LRCH2: variants seen among roughly 807,000 people sequenced by gnomAD.
The protein encoded by LRCH2 is leucine rich repeats and calponin homology domain containing 2.
A neutral mutation model predicts 68.9 loss-of-function variants in LRCH2; 38 were observed. That is an observed-to-expected ratio of 0.55 (90% CI 0.43 to 0.72). The LOEUF is 0.72. Among genes scored for constraint, LRCH2 ranks in the 30% least tolerant of loss-of-function variants. LRCH2 has a pLI of 0.00. For synonymous variants in LRCH2, 191 were observed against 208.1 expected (o/e 0.92, Z 0.71); for missense variants, 528 against 572.9 (o/e 0.92, Z 0.80).
At chrX:115,228,170 CTTACATTGTTA>C (rs1447390173) in intron 1 of LRCH2, among the ~76,000 whole-genome samples, 7 of 111,727 alleles carry the variant, frequency 6.3e-5, no homozygotes, top group African/African-American at 2.3e-4. Context: ...TAAACATAAA[CTTACATTGTTA>C]TTAAATTGGC....
intron 1 of LRCH2, chrX:115,190,066 C>G (rs2072775098): frequency 8.7e-7 from 1 of 1,154,049 alleles, no homozygotes; most frequent in Non-Finnish European, 1.2e-6. Context: ...GAGGGCTGTG[C>G]CCCGGTCAAG....
At chrX:115,163,814 A>G (rs1172947584) in intron 10 of LRCH2, 31 bp from the exon 11 acceptor site, 1 of 1,043,569 alleles carries the variant, frequency 9.6e-7, no homozygotes, top group Non-Finnish European at 1.3e-6. Flanking sequence ...GGTTATCCAA[A>G]AAGTAAGGCA....
intron 5 of LRCH2, among the ~76,000 whole-genome samples, chrX:115,175,981 A>C (rs1556550109): frequency 8.9e-6 from 1 of 111,760 alleles, no homozygotes; most frequent in Non-Finnish European, 1.9e-5. Flanking sequence ...TGAGCTCTTA[A>C]CCTGTAGGAT....
intron 12 of LRCH2, among the ~76,000 whole-genome samples, chrX:115,154,613 TACTC>T (rs1399160718): frequency 9.0e-6 from 1 of 111,705 alleles, no homozygotes; most frequent in African/African-American, 3.3e-5. Flanking sequence ...CTTGAAATAA[TACTC>T]ATCATCACTA....
intron 14 of LRCH2, among the ~76,000 whole-genome samples, chrX:115,135,993 G>A (rs1168078129): frequency 2.7e-5 from 3 of 111,934 alleles, no homozygotes; most frequent in Non-Finnish European, 5.6e-5. Flanking sequence ...ATATTCATGT[G>A]ACTTGCTTTA....
chrX:115,146,556 C>T (rs1386553649), intron 14 of LRCH2, among the ~76,000 whole-genome samples: 2 of 104,404 alleles, frequency 1.9e-5, no homozygotes, highest in African/African-American at 3.7e-5. Flanking sequence ...CTAATATGAA[C>T]GCCAAAAATT....
At chrX:115,223,448 T>A (rs1556574886) in intron 1 of LRCH2, among the ~76,000 whole-genome samples, 31 of 12,368 alleles carry the variant, frequency 2.5e-3, no homozygotes, top group Admixed American at 4.3e-3. Context: ...TATAGAATTT[T>A]TTTTTTAAAA....
chrX:115,211,434 A>C (rs1437161404), intron 1 of LRCH2, among the ~76,000 whole-genome samples: 1 of 111,675 alleles, frequency 9.0e-6, no homozygotes, highest in African/African-American at 3.3e-5. Flanking sequence ...AGCCACGTGG[A>C]ACTGTAAGTC....
At chrX:115,227,567 A>G (rs1049944688) in intron 1 of LRCH2, among the ~76,000 whole-genome samples, 7 of 109,509 alleles carry the variant, frequency 6.4e-5, no homozygotes, top group Non-Finnish European at 1.1e-4. Flanking sequence ...AATTCACAAA[A>G]ACCTTTAAAT....
intron 15 of LRCH2, 67 bp downstream of exon 15, chrX:115,130,086 ACT>A: frequency 1.8e-6 from 1 of 564,406 alleles, no homozygotes; most frequent in Non-Finnish European, 2.7e-6. Context: ...ATTACATTTT[ACT>A]CTCACTGAGC....
intron 12 of LRCH2, 41 bp downstream of exon 12, chrX:115,156,561 A>G (rs1228313761): frequency 1.1e-6 from 1 of 914,946 alleles, no homozygotes; most frequent in Non-Finnish European, 1.5e-6. Context: ...ATCAATACTC[A>G]TTATAAAATA....
At chrX:115,139,649 T>C (rs1275501275) in intron 14 of LRCH2, among the ~76,000 whole-genome samples, 4 of 110,555 alleles carry the variant, frequency 3.6e-5, no homozygotes, top group Non-Finnish European at 7.6e-5. Flanking sequence ...CTACCCACAG[T>C]AGCCAGCAGT....
chrX:115,126,175 GT>G (rs1448704912), intron 16 of LRCH2: 1 of 111,580 alleles, frequency 9.0e-6, no homozygotes, highest in Non-Finnish European at 1.9e-5. Context: ...AAGAGATAGA[GT>G]TTAGAATTTT....
intron 1 of LRCH2, among the ~76,000 whole-genome samples, chrX:115,209,388 A>C (rs782697945): frequency 5.2e-4 from 58 of 111,811 alleles, no homozygotes; most frequent in Non-Finnish European, 9.2e-4. Context: ...AATAAGTCTC[A>C]CAAGATCTGA....
In LRCH2 at chrX:115,123,085, G is replaced by A. The variant is rs1470042897; in HGVS notation, c.1957C>T (p.Arg653Cys). Residue 653 changes from arginine (R) to cysteine (C), a missense_variant, in exon 18 of 21, where the codon CGC becomes TGC. Coordinates refer to ENST00000317135, the MANE Select transcript of LRCH2 (RefSeq NM_020871.4). ...REEREQIRQL[R>C]NNLESRLKVI... ...GAAAGAGCAATCTGACTTACGTTGCGAAGTTGTCGTATTTGCTCTCGCTCT... is the reference window on the plus strand; with the variant it reads ...GAAAGAGCAATCTGACTTACGTTGCAAAGTTGTCGTATTTGCTCTCGCTCT... The A allele has an allele frequency of 1.7e-6, 2 of 1,205,660 alleles. No homozygotes were observed. The highest frequency in any genetic ancestry group is 1.7e-5 in the African/African-American group (1 of 57,659).
chrX:115,205,677 G>A (rs782502965), intron 1 of LRCH2, among the ~76,000 whole-genome samples: 37 of 111,882 alleles, frequency 3.3e-4, no homozygotes, highest in Admixed American at 1.2e-3. Flanking sequence ...GGTGGCTCAC[G>A]CCTGTAATCC....
chrX:115,212,841 A>C (rs376288724), intron 1 of LRCH2, among the ~76,000 whole-genome samples: 2 of 110,090 alleles, frequency 1.8e-5, no homozygotes, highest in East Asian at 6.0e-4. Context: ...GTGTAGTGGC[A>C]TGGACCTATA....
rs782194119 is a variant in LRCH2 at position 115,123,032 on chromosome X, G to A, written c.1962+48C>T. The A allele has an allele frequency of 4.0e-5, 46 of 1,150,943 alleles. 1 individual carries two copies. In the South Asian group the frequency reaches 8.7e-4, roughly 22 times the overall value. 94.9% of individuals were successfully genotyped at this position (1,150,943 alleles called of 1,213,427 possible). On this transcript the variant is annotated intron_variant, in intron 18 of 20. Coordinates refer to ENST00000317135, the MANE Select transcript of LRCH2 (RefSeq NM_020871.4). ...TCTGTACGCCTTATTAATTTTCCAA[G>A]TTAAACCCATTTCCACAAAGCAGAT...
At chrX:115,152,496 A>G (rs1431139286) in intron 12 of LRCH2, among the ~76,000 whole-genome samples, 2 of 111,941 alleles carry the variant, frequency 1.8e-5, no homozygotes, top group African/African-American at 6.5e-5. Flanking sequence ...AATTAAAACA[A>G]ACTGGATGGA....
Sources: allele counts gnomAD v4.1 joint callset (sites outside exome capture counted in the v4.1 genomes callset), GRCh38; gene constraint gnomAD v4.1.1; transcripts MANE v1.5; gene names NCBI Gene and HGNC (gene_info 2026-07-23, HGNC 2026-07-21).